The following TRPM1 variants were observed in gnomAD, a reference collection of about 807,000 sequenced individuals.
TRPM1 encodes TRPM1-203 APA Isoform, Intron 10.
A neutral mutation model predicts 149.4 loss-of-function variants in TRPM1; 113 were observed. That is an observed-to-expected ratio of 0.76 (90% CI 0.65 to 0.88). The LOEUF (loss-of-function observed/expected upper bound fraction) is 0.88, where lower values mean the gene tolerates loss of function less well. Among genes scored for constraint, TRPM1 ranks in the 40% least tolerant of loss-of-function variants. TRPM1 has a pLI of 0.00. For synonymous variants in TRPM1, 741 were observed against 759.5 expected (o/e 0.98, Z 0.40); for missense variants, 1,976 against 2,038.7 (o/e 0.97, Z 0.59).
At chr15:31,029,413 G>A in intron 23 of TRPM1, 22 bp from the exon 24 acceptor site, 2 of 1,613,558 alleles carry the variant, frequency 1.2e-6, no homozygotes, top group Non-Finnish European at 1.7e-6. Flanking sequence ...TTGGAAAGCA[G>A]GATTTTTGTT....
chr15:31,127,741 G>A (rs12903013), intron 1 of TRPM1, among the ~76,000 whole-genome samples: 79,695 of 151,904 alleles, frequency 0.52, 21,610 homozygotes, highest in African/African-American at 0.59. Context: ...AGGGGTGGAG[G>A]GTGAGCATCT....
At chr15:31,035,275 G>T (rs1267283970) in intron 21 of TRPM1, among the ~76,000 whole-genome samples, 1 of 152,098 alleles carries the variant, frequency 6.6e-6, no homozygotes, top group Admixed American at 6.5e-5. Flanking sequence ...CTAGTAGCTG[G>T]CATTACAGGC....
intron 27 of TRPM1, among the ~76,000 whole-genome samples, chr15:31,018,039 G>A (rs1566990964): frequency 6.6e-6 from 1 of 151,944 alleles, no homozygotes; most frequent in Non-Finnish European, 1.5e-5. Flanking sequence ...TTATTTATTT[G>A]TTTATTTATT....
intron 1 of TRPM1, among the ~76,000 whole-genome samples, chr15:31,087,828 T>C (rs1331297301): frequency 6.6e-6 from 1 of 151,900 alleles, no homozygotes; most frequent in African/African-American, 2.4e-5. Context: ...AGACAGGAAA[T>C]GGAATGGTGG....
chr15:31,141,444 C>T (rs1192527810), intron 1 of TRPM1, among the ~76,000 whole-genome samples: 1 of 152,062 alleles, frequency 6.6e-6, no homozygotes, highest in Non-Finnish European at 1.5e-5. Flanking sequence ...AGACTAATTT[C>T]ATCTAACTTG....
Position 31,026,194 on chromosome 15 carries a change from T to C in TRPM1, c.3574A>G (p.Lys1192Glu), listed in dbSNP as rs1404396084. 6.2e-7 allele frequency: 1 copy of C among 1,612,486 alleles called. No homozygotes were observed. The highest frequency in any genetic ancestry group is 1.3e-5 in the African/African-American group (1 of 75,046). The change falls in exon 27 of 28, where the codon AAG (lysine) becomes GAG (glutamate). Residue 1192 changes from lysine (K) to glutamate (E), a missense_variant. Lys to Glu is a moderately conservative substitution (Grantham distance 56, BLOSUM62 1). Around this residue, in one of 3 missense-constraint regions of TRPM1, gnomAD observed 572 missense variants for 578.9 expected, o/e 0.99. Coordinates refer to ENST00000256552, the MANE Select transcript of TRPM1 (RefSeq NM_001252024.2). ...CTGGACGACTGCTGCTCATCCTCCT[T>C]CTCCCGGAAGTGCTCCTGCACGCAC... ...EQCVQEHFRE[K>E]EDEQQSSSDE...
At chr15:31,089,151 C>T (rs889368751) in intron 1 of TRPM1, among the ~76,000 whole-genome samples, 2 of 152,190 alleles carry the variant, frequency 1.3e-5, no homozygotes, top group Non-Finnish European at 1.5e-5. Context: ...CAGGCTGCTG[C>T]TGTTTGCCTT....
chr15:31,157,281 ATTTGT>A (rs1346211025), intron 1 of TRPM1, among the ~76,000 whole-genome samples: 1 of 152,140 alleles, frequency 6.6e-6, no homozygotes, highest in Non-Finnish European at 1.5e-5. Flanking sequence ...GGCTTGGTTC[ATTTGT>A]TTTAAGTGCT....
intron 20 of TRPM1, 114 bp from the exon 21 acceptor site, chr15:31,035,788 G>C (rs544906498): frequency 1.4e-6 from 2 of 1,480,358 alleles, no homozygotes; most frequent in Non-Finnish European, 1.9e-6. Flanking sequence ...TTTCCAACTG[G>C]ACTGACTCAT....
At chr15:31,062,482 A>G (rs974015521) in intron 9 of TRPM1, 97 bp downstream of exon 9, 1 of 1,513,956 alleles carries the variant, frequency 6.6e-7, no homozygotes, top group Non-Finnish European at 9.1e-7. Context: ...CCGGACTAAA[A>G]TATGAATAAC....
intron 11 of TRPM1, among the ~76,000 whole-genome samples, chr15:31,057,806 G>A (rs1009603305): frequency 6.6e-6 from 1 of 152,206 alleles, no homozygotes; most frequent in Non-Finnish European, 1.5e-5. Context: ...GAAGTGATTG[G>A]ATCATGAGGG....
intron 16 of TRPM1, among the ~76,000 whole-genome samples, chr15:31,044,499 G>A (rs532319293): frequency 2.0e-5 from 3 of 152,246 alleles, no homozygotes; most frequent in East Asian, 1.9e-4. Context: ...GAGGCTGGGC[G>A]TGGTGGCTCG....
At position 31,062,690 on chromosome 15, in the gene TRPM1, C is replaced by T; in HGVS notation, c.978G>A (p.Glu326=). Reference sequence around the variant, plus strand: ...TAACTAGAAGCTGCTCCCTGAGGGACTCATTTATTATTCTGTTCAAAGAAA... The same window carrying T: ...TAACTAGAAGCTGCTCCCTGAGGGATTCATTTATTATTCTGTTCAAAGAAA... ...KYCEEGGIIN[E]SLREQLLVTI... The change falls in exon 9 of 28, where the codon GAG becomes GAA. Residue 326 remains glutamate, a synonymous_variant. Coordinates refer to ENST00000256552, the MANE Select transcript of TRPM1 (RefSeq NM_001252024.2). 2 of 1,614,010 alleles carry T rather than the reference C, an allele frequency of 1.2e-6. No homozygotes were observed. Among genetic ancestry groups the T allele is most frequent in the South Asian group, 1.1e-5 (1 of 91,086 alleles).
intron 1 of TRPM1, among the ~76,000 whole-genome samples, chr15:31,115,127 G>A (rs11070818): frequency 0.41 from 61,746 of 151,764 alleles, 13,214 homozygotes; most frequent in East Asian, 0.73. Flanking sequence ...GCATGGTGGC[G>A]GGTGCCTGTC....
chr15:31,150,824 A>C (rs995184657), intron 1 of TRPM1, among the ~76,000 whole-genome samples: 1 of 152,180 alleles, frequency 6.6e-6, no homozygotes, highest in Non-Finnish European at 1.5e-5. Flanking sequence ...ACAGCTACAC[A>C]GGTAAGAAAG....
At chr15:31,012,023 C>A (rs1036013424) in intron 27 of TRPM1, among the ~76,000 whole-genome samples, 8 of 152,146 alleles carry the variant, frequency 5.3e-5, no homozygotes, top group Non-Finnish European at 1.2e-4. Flanking sequence ...TCCATCCTCC[C>A]CCCATGTTAT....
intron 27 of TRPM1, 70 bp from the exon 28 acceptor site, chr15:31,003,140 C>T: frequency 2.2e-6 from 3 of 1,384,308 alleles, no homozygotes; most frequent in Admixed American, 2.2e-5. Context: ...AAGATAATGT[C>T]ATTGCTATGT....
At chr15:31,088,319 C>T (rs1007841348) in intron 1 of TRPM1, among the ~76,000 whole-genome samples, 1 of 152,348 alleles carries the variant, frequency 6.6e-6, no homozygotes, top group East Asian at 1.9e-4. Context: ...CCCTGGCAAT[C>T]CGCTCGGGTC....
At chr15:31,129,400 G>A (rs373522695) in intron 1 of TRPM1, among the ~76,000 whole-genome samples, 2 of 152,252 alleles carry the variant, frequency 1.3e-5, no homozygotes, top group African/African-American at 4.8e-5. Context: ...TACTTCTCTT[G>A]CAGCTCCGTT....
Sources: gnomAD v4.1 joint callset for allele counts (sites outside exome capture counted in the v4.1 genomes callset) on GRCh38, gnomAD v4.1.1 for gene constraint, gnomAD v4.1.1 regional missense constraint, MANE v1.5 for transcripts, NCBI Gene and HGNC (gene_info 2026-07-23, HGNC 2026-07-21) for gene names.